Variants in CTNNA3 observed in about 807,000 individuals in gnomAD.
CTNNA3 encodes catenin alpha 3.
In CTNNA3, 76 loss-of-function variants were observed where a neutral mutation model predicts 95.7. The observed-to-expected ratio is 0.79, with a 90% CI of 0.66 to 0.96. The LOEUF is 0.96. Among genes scored for constraint, CTNNA3 ranks in the 40% least tolerant of loss-of-function variants. The pLI, the probability that CTNNA3 is intolerant of heterozygous loss-of-function variation, is 0.00. For synonymous variants in CTNNA3, 431 were observed against 374.4 expected, an observed-to-expected ratio of 1.15 and a Z score of -1.74; for missense variants, 1,191 against 1,089.8, an observed-to-expected ratio of 1.09 and a Z score of -1.31.
intron 10 of CTNNA3, among the ~76,000 whole-genome samples, chr10:66,530,445 C>T (rs1412999985): frequency 6.6e-6 from 1 of 152,124 alleles, no homozygotes; most frequent in African/African-American, 2.4e-5. Flanking sequence ...CCAAATATTT[C>T]TCACTTTCTA....
rs1476416840 is a variant in CTNNA3, at chr10:66,596,193, A to C, written c.1374+25499T>G. Among the ~76,000 whole-genome samples the C allele has an allele frequency of 1.3e-5, 2 of 151,968 alleles. 1 individual carries two copies. Among genetic ancestry groups the C allele is most frequent in the Non-Finnish European group, 2.9e-5 (2 of 67,972 alleles). On this transcript the variant is annotated intron_variant, in intron 10 of 17. Coordinates refer to ENST00000433211, the MANE Select transcript of CTNNA3 (RefSeq NM_013266.4). ...GTAGGGGCCGTGGCAGCCTGTATGA[A>C]TATCTCAACAACTGGCCATAAATCC...
Position 66,842,537 on chromosome 10 carries a change from A to T in CTNNA3, c.1048-67013T>A, listed in dbSNP as rs531005488. Among the ~76,000 whole-genome samples, 5 of 152,274 alleles carry T rather than the reference A, an allele frequency of 3.3e-5. No homozygotes were observed. The East Asian group carries it at 5.8e-4, about 18-fold the overall frequency. On this transcript the variant is annotated intron_variant, in intron 7 of 17. Coordinates refer to ENST00000433211, the MANE Select transcript of CTNNA3 (RefSeq NM_013266.4). ...TCTAAACTGGTCAGTGTGGTTATGT[A>T]GCCACAAAGCAAGTAGAGAAGAACT... is the stretch of plus-strand genomic sequence containing the variant.
chr10:67,569,795 C>T (rs1311384383), intron 3 of CTNNA3, among the ~76,000 whole-genome samples: 1 of 152,026 alleles, frequency 6.6e-6, no homozygotes, highest in South Asian at 2.1e-4. Context: ...TCTTCTCATC[C>T]CTTTCTTAAG....
intron 10 of CTNNA3, among the ~76,000 whole-genome samples, chr10:66,552,859 CT>C (rs1000454329): frequency 2.8e-4 from 43 of 151,720 alleles, no homozygotes; most frequent in Non-Finnish European, 4.9e-4. Flanking sequence ...GCACATTTTC[CT>C]TTTTTTCCGT....
chr10:67,512,069 C>G (rs1021933120), intron 5 of CTNNA3, among the ~76,000 whole-genome samples: 5 of 151,796 alleles, frequency 3.3e-5, no homozygotes, highest in Non-Finnish European at 7.4e-5. Context: ...TATTGCTTCT[C>G]TAAATAGAAA....
chr10:67,705,632 G>A (rs1220223359), intron 1 of CTNNA3, among the ~76,000 whole-genome samples: 16 of 113,092 alleles, frequency 1.4e-4, no homozygotes, highest in Admixed American at 1.1e-4. Context: ...CTGTTGTGGG[G>A]TGGGGGGAGG....
intron 17 of CTNNA3, among the ~76,000 whole-genome samples, chr10:65,928,607 A>C (rs1256006699): frequency 6.6e-6 from 1 of 152,230 alleles, no homozygotes; most frequent in East Asian, 1.9e-4. Context: ...AGAATTATTA[A>C]GTGCAGAAAC....
chr10:66,362,338 T>C (rs1456670053), intron 12 of CTNNA3, among the ~76,000 whole-genome samples: 1 of 151,400 alleles, frequency 6.6e-6, no homozygotes, highest in Non-Finnish European at 1.5e-5. Flanking sequence ...CCTGACCTCA[T>C]GATCCTCCCA....
At chr10:66,176,800 A>G (rs1168134807) in intron 13 of CTNNA3, among the ~76,000 whole-genome samples, 2 of 152,074 alleles carry the variant, frequency 1.3e-5, no homozygotes, top group Non-Finnish European at 2.9e-5. Flanking sequence ...TGTGAGAAAT[A>G]AATTTCTGTT....
At chr10:67,577,879 G>C (rs1842223480) in intron 3 of CTNNA3, among the ~76,000 whole-genome samples, 1 of 150,342 alleles carries the variant, frequency 6.7e-6, no homozygotes, top group Non-Finnish European at 1.5e-5. Context: ...GTAGTGGATG[G>C]CTGGATGCAA....
At chr10:67,433,402 G>A (rs1846183136) in intron 5 of CTNNA3, among the ~76,000 whole-genome samples, 1 of 151,972 alleles carries the variant, frequency 6.6e-6, no homozygotes, top group African/African-American at 2.4e-5. Context: ...TAATAATAAT[G>A]AAAAATTTTG....
chr10:67,219,804 G>GA lies in CTNNA3; in HGVS notation c.645dup (p.Pro216SerfsTer15), dbSNP rs763186218. On this transcript the variant is annotated frameshift_variant, in exon 6 of 18. Transcript: ENST00000433211. LOFTEE classifies it high-confidence loss of function. ...GCTGAACAAATTGAATGCAAGAGGG[G>GA]AGAGTTCTCCTTCAGTGAAGCTCGG... is the stretch of plus-strand genomic sequence containing the variant. 2.5e-6 allele frequency: 4 copies of GA among 1,613,922 alleles called. No individual in the cohort carries two copies. Among genetic ancestry groups the GA allele is most frequent in the Non-Finnish European group, 3.4e-6 (4 of 1,179,876 alleles).
chr10:66,504,026 A>C (rs555946387), intron 11 of CTNNA3, among the ~76,000 whole-genome samples: 6 of 152,332 alleles, frequency 3.9e-5, no homozygotes, highest in African/African-American at 1.4e-4. Flanking sequence ...TAACATATAC[A>C]TCACCTCACA....
intron 1 of CTNNA3, among the ~76,000 whole-genome samples, chr10:67,683,659 T>C (rs1840670286): frequency 6.6e-6 from 1 of 152,254 alleles, no homozygotes; most frequent in African/African-American, 2.4e-5. Context: ...AATTGGTTCC[T>C]TCTGGTGGGT....
intron 4 of CTNNA3, among the ~76,000 whole-genome samples, chr10:67,532,182 T>G (rs1263830636): frequency 1.3e-5 from 2 of 152,224 alleles, no homozygotes; most frequent in Non-Finnish European, 1.5e-5. Flanking sequence ...CTTTACATCT[T>G]AATATGCTTT....
intron 2 of CTNNA3, among the ~76,000 whole-genome samples, chr10:67,631,905 G>A (rs896611778): frequency 2.2e-4 from 34 of 152,252 alleles, no homozygotes; most frequent in African/African-American, 7.9e-4. Flanking sequence ...ACTTATATGT[G>A]AAATCTAAAA....
At chr10:67,660,400 A>G (rs749455050) in intron 1 of CTNNA3, among the ~76,000 whole-genome samples, 13 of 152,168 alleles carry the variant, frequency 8.5e-5, no homozygotes, top group Non-Finnish European at 1.6e-4. Context: ...CATTAGAAGT[A>G]TCCCATACAC....
At chr10:65,926,798 T>C (rs952135824) in intron 17 of CTNNA3, among the ~76,000 whole-genome samples, 90 of 152,230 alleles carry the variant, frequency 5.9e-4, no homozygotes, top group South Asian at 4.2e-4. Flanking sequence ...ACATTTTTTT[T>C]CCCATATTTT....
intron 1 of CTNNA3, among the ~76,000 whole-genome samples, chr10:67,703,545 T>C (rs541904091): frequency 6.6e-6 from 1 of 152,222 alleles, no homozygotes; most frequent in African/African-American, 2.4e-5. Flanking sequence ...TCTCAATAGA[T>C]GCAGAAAAGG....
Sources: gnomAD v4.1 joint callset for allele counts (sites outside exome capture counted in the v4.1 genomes callset) on GRCh38, gnomAD v4.1.1 for gene constraint, MANE v1.5 for transcripts, NCBI Gene and HGNC (gene_info 2026-07-23, HGNC 2026-07-21) for gene names.